The following FHL2 variants were observed in gnomAD, a reference collection of about 807,000 sequenced individuals.
FHL2 encodes four and a half LIM domains 2.
Under a neutral mutation model 32.7 loss-of-function variants are expected in FHL2, and 20 were observed. The observed-to-expected ratio is 0.61, with a 90% CI of 0.43 to 0.89. FHL2 has a LOEUF of 0.89. Ranked by LOEUF, FHL2 falls within the 40% of genes least tolerant of loss-of-function variation. FHL2 has a pLI of 0.00. For missense variants in FHL2, 311 were observed against 358.6 expected, an observed-to-expected ratio of 0.87 and a Z score of 1.07; for synonymous variants, 123 against 128.1, an observed-to-expected ratio of 0.96 and a Z score of 0.27.
At chr2:105,396,783 A>C in intron 1 of FHL2, 86 bp from the exon 2 acceptor site, 2 of 1,165,818 alleles carry the variant, frequency 1.7e-6, no homozygotes, top group Non-Finnish European at 2.5e-6. Context: ...GACACTTAAT[A>C]AATGTGGCTT....
At chr2:105,417,988 A>G (rs958650524) in intron 1 of FHL2, among the ~76,000 whole-genome samples, 1 of 152,200 alleles carries the variant, frequency 6.6e-6, no homozygotes, top group Non-Finnish European at 1.5e-5. Context: ...TATCAAAAAA[A>G]TAGCTTTAAC....
chr2:105,396,855 C>G lies in FHL2; in HGVS notation c.-75-158G>C. 4 of 655,300 alleles carry G rather than the reference C, an allele frequency of 6.1e-6. No homozygotes were observed. In the South Asian group the frequency reaches 8.0e-5, roughly 13 times the overall value. The allele number at this position is 655,300 out of a possible 1,614,324, so 40.6% of individuals were successfully genotyped here. ...CCAATGTCTAATGTTTCCATTCACC[C>G]AAGCTCAAGGAACTTTGTACCTCAG... On this transcript the variant is annotated intron_variant, in intron 1 of 6. Coordinates refer to ENST00000530340, the MANE Select transcript of FHL2 (RefSeq NM_001318895.3).
intron 2 of FHL2, among the ~76,000 whole-genome samples, chr2:105,394,605 GAAAGAAAGAAAGAGAAA>G (rs1682993006): frequency 6.6e-6 from 1 of 150,438 alleles, no homozygotes; most frequent in African/African-American, 2.4e-5. Context: ...AAGAAGGAAA[GAAAGAAAGAAAGAGAAA>G]AAAGAAAGAA....
At chr2:105,363,537 C>T in intron 5 of FHL2, 66 bp from the exon 6 acceptor site, 1 of 1,424,924 alleles carries the variant, frequency 7.0e-7, no homozygotes, top group Non-Finnish European at 9.6e-7. Flanking sequence ...GTCTCAGCTA[C>T]TGCCACTGGA....
chr2:105,391,186 GC>G (rs1048680780), intron 2 of FHL2, among the ~76,000 whole-genome samples: 2 of 152,092 alleles, frequency 1.3e-5, no homozygotes, highest in African/African-American at 2.4e-5. Context: ...CATTGGTTGA[GC>G]TGGAACTATG....
intron 3 of FHL2, chr2:105,377,660 T>C (rs1019737878): frequency 1.2e-5 from 2 of 166,818 alleles, no homozygotes; most frequent in Non-Finnish European, 1.3e-5. Flanking sequence ...TAAGTTTTGA[T>C]TGTTATGTAG....
At chr2:105,375,026 C>T (rs1412123774) in intron 3 of FHL2, among the ~76,000 whole-genome samples, 2 of 152,158 alleles carry the variant, frequency 1.3e-5, no homozygotes, top group Non-Finnish European at 2.9e-5. Flanking sequence ...TGGAGTTATG[C>T]TGAATGTAGG....
intron 3 of FHL2, chr2:105,378,001 A>G (rs1396166884): frequency 4.3e-6 from 2 of 463,104 alleles, no homozygotes; most frequent in African/African-American, 2.0e-5. Context: ...CTGACCTTCA[A>G]GAAAAACTGA....
chr2:105,397,267 C>G (rs185045653), intron 1 of FHL2, among the ~76,000 whole-genome samples: 1 of 152,064 alleles, frequency 6.6e-6, no homozygotes, highest in African/African-American at 2.4e-5. Flanking sequence ...ATTTACAGCC[C>G]GGGAAACCCT....
chr2:105,382,537 A>G (rs961088635), intron 3 of FHL2, among the ~76,000 whole-genome samples: 1 of 152,200 alleles, frequency 6.6e-6, no homozygotes, highest in Non-Finnish European at 1.5e-5. Context: ...GTTCCTACCT[A>G]TAGGGTGTTA....
intron 1 of FHL2, 117 bp downstream of exon 1, chr2:105,398,725 C>G: frequency 6.5e-5 from 50 of 768,520 alleles, no homozygotes; most frequent in Non-Finnish European, 8.6e-5. Flanking sequence ...CAGGGTTCGG[C>G]TCTCCTCTCC....
At chr2:105,371,576 C>CTCTCTCTCTCTCT (rs1553416147) in intron 4 of FHL2, among the ~76,000 whole-genome samples, 9 of 150,770 alleles carry the variant, frequency 6.0e-5, no homozygotes, top group South Asian at 2.1e-4. Context: ...CTCTCTCTCT[C>CTCTCTCTCTCTCT]CTTATGTATG....
At chr2:105,425,412 T>A (rs1301458758) in intron 1 of FHL2, among the ~76,000 whole-genome samples, 1 of 152,098 alleles carries the variant, frequency 6.6e-6, no homozygotes, top group Non-Finnish European at 1.5e-5. Context: ...TCTCCCCATG[T>A]GATAGTCTGA....
chr2:105,434,579 A>AAAAC (rs550882521), intron 1 of FHL2, among the ~76,000 whole-genome samples: 3 of 152,004 alleles, frequency 2.0e-5, no homozygotes, highest in Non-Finnish European at 4.4e-5. Flanking sequence ...AAAAAAAAAC[A>AAAAC]AAACAAACAA....
At chr2:105,385,583 T>C (rs1436898920) in intron 3 of FHL2, among the ~76,000 whole-genome samples, 1 of 152,222 alleles carries the variant, frequency 6.6e-6, no homozygotes, top group Non-Finnish European at 1.5e-5. Flanking sequence ...TTCACGGCAC[T>C]CAGGATGACA....
chr2:105,390,923 G>T (rs1358336983), intron 2 of FHL2, among the ~76,000 whole-genome samples: 1 of 151,500 alleles, frequency 6.6e-6, no homozygotes, highest in Non-Finnish European at 1.5e-5. Flanking sequence ...CAGCCTCCTG[G>T]GTTGCTGGGA....
chr2:105,385,873 A>T (rs1246605105), intron 3 of FHL2: 3 of 185,224 alleles, frequency 1.6e-5, no homozygotes, highest in African/African-American at 2.3e-5. Flanking sequence ...TCCTTCTCTC[A>T]TTAAAGGAAA....
At chr2:105,384,357 G>A (rs1043094171) in intron 3 of FHL2, among the ~76,000 whole-genome samples, 8 of 152,200 alleles carry the variant, frequency 5.3e-5, no homozygotes, top group African/African-American at 1.9e-4. Context: ...TGGAAGGGAC[G>A]TGTCACGAAA....
intron 1 of FHL2, among the ~76,000 whole-genome samples, chr2:105,397,317 C>G (rs1208988847): frequency 1.3e-5 from 2 of 152,026 alleles, no homozygotes; most frequent in Non-Finnish European, 2.9e-5. Flanking sequence ...AGTGTCTTTA[C>G]CTGTAAAAAT....
Sources: allele counts gnomAD v4.1 joint callset (sites outside exome capture counted in the v4.1 genomes callset), GRCh38; gene constraint gnomAD v4.1.1; transcripts MANE v1.5; gene names NCBI Gene and HGNC (gene_info 2026-07-23, HGNC 2026-07-21).